GOLPH3L: variants seen among roughly 807,000 people sequenced by gnomAD.
GOLPH3L encodes golgi phosphoprotein 3 like.
A neutral mutation model predicts 30.3 loss-of-function variants in GOLPH3L; 22 were observed. The ratio of observed to expected loss-of-function variants is 0.73; its 90% CI spans 0.52 to 1.04. The LOEUF (loss-of-function observed/expected upper bound fraction) is 1.04. Ranked by LOEUF, GOLPH3L falls within the 50% of genes least tolerant of loss-of-function variation. The pLI is 0.00. For synonymous variants in GOLPH3L, 120 were observed against 128.2 expected, an observed-to-expected ratio of 0.94 and a Z score of 0.43; for missense variants, 303 against 345.8, an observed-to-expected ratio of 0.88 and a Z score of 0.98.
At chr1:150,650,894 G>A (rs2101774493) in intron 4 of GOLPH3L, among the ~76,000 whole-genome samples, 1 of 152,342 alleles carries the variant, frequency 6.6e-6, no homozygotes, top group East Asian at 1.9e-4. Flanking sequence ...AATGGAAACT[G>A]CCTTTGAGAA....
intron 2 of GOLPH3L, among the ~76,000 whole-genome samples, chr1:150,687,221 A>C (rs1172419625): frequency 6.6e-6 from 1 of 152,096 alleles, no homozygotes; most frequent in Non-Finnish European, 1.5e-5. Flanking sequence ...TAAGGCGGCC[A>C]ATTTTCTTCA....
intron 4 of GOLPH3L, among the ~76,000 whole-genome samples, chr1:150,653,455 C>CTTTTTTTT (rs71086589): frequency 1.6e-5 from 1 of 62,638 alleles, no homozygotes; most frequent in African/African-American, 5.7e-5. Context: ...TTGAAAGCAA[C>CTTTTTTTT]TTTTTTTTTT....
chr1:150,663,408 G>A (rs1650419904), intron 3 of GOLPH3L, among the ~76,000 whole-genome samples: 1 of 152,012 alleles, frequency 6.6e-6, no homozygotes, highest in South Asian at 2.1e-4. Context: ...TGATTTTTCT[G>A]CATAAAAAAG....
chr1:150,695,186 G>A (rs587710143), intron 1 of GOLPH3L, among the ~76,000 whole-genome samples: 37 of 152,182 alleles, frequency 2.4e-4, no homozygotes, highest in African/African-American at 8.7e-4. Flanking sequence ...CCCAGGCTGG[G>A]AGTGCAGTGG....
At chr1:150,674,085 T>C (rs1417785874) in intron 2 of GOLPH3L, among the ~76,000 whole-genome samples, 1 of 152,080 alleles carries the variant, frequency 6.6e-6, no homozygotes, top group Non-Finnish European at 1.5e-5. Flanking sequence ...ATTTTAGAAA[T>C]TAAAATCCAT....
intron 4 of GOLPH3L, among the ~76,000 whole-genome samples, chr1:150,653,379 G>A (rs587598389): frequency 2.7e-5 from 4 of 146,630 alleles, no homozygotes; most frequent in South Asian, 4.3e-4. Context: ...CACTGCAACC[G>A]CTGCCTGCCG....
At chr1:150,666,805 A>G (rs923550109) in intron 2 of GOLPH3L, among the ~76,000 whole-genome samples, 1 of 152,098 alleles carries the variant, frequency 6.6e-6, no homozygotes, top group Non-Finnish European at 1.5e-5. Context: ...TATTTCTTTA[A>G]AAATGTCATA....
chr1:150,675,187 A>T (rs766576645), intron 2 of GOLPH3L, among the ~76,000 whole-genome samples: 3 of 152,076 alleles, frequency 2.0e-5, no homozygotes, highest in Non-Finnish European at 2.9e-5. Context: ...GCTTCCAATG[A>T]TTTAAAACGG....
chr1:150,653,085 G>C (rs1331435387), intron 4 of GOLPH3L, among the ~76,000 whole-genome samples: 1 of 147,018 alleles, frequency 6.8e-6, no homozygotes, highest in Non-Finnish European at 1.5e-5. Flanking sequence ...AGCAGTTTAA[G>C]ACCAGTCTGG....
intron 2 of GOLPH3L, among the ~76,000 whole-genome samples, chr1:150,671,806 CAAAAAAAA>C (rs397793655): frequency 2.1e-5 from 1 of 47,154 alleles, no homozygotes; most frequent in South Asian, 9.8e-4. Context: ...AACTCCGTCT[CAAAAAAAA>C]AAAAAAAAAA....
At chr1:150,658,965 T>A (rs955260861) in intron 4 of GOLPH3L, among the ~76,000 whole-genome samples, 1 of 152,202 alleles carries the variant, frequency 6.6e-6, no homozygotes, top group African/African-American at 2.4e-5. Flanking sequence ...GAACAAATAT[T>A]TAAAGCATCC....
At chr1:150,675,511 C>T (rs11204693) in intron 2 of GOLPH3L, among the ~76,000 whole-genome samples, 59,417 of 151,670 alleles carry the variant, frequency 0.39, 13,314 homozygotes, top group Non-Finnish European at 0.5. Context: ...CCCTTCATAG[C>T]AAAGGTTTGT....
intron 4 of GOLPH3L, among the ~76,000 whole-genome samples, chr1:150,651,751 C>T (rs1650110450): frequency 6.8e-6 from 1 of 147,656 alleles, no homozygotes; most frequent in Admixed American, 6.8e-5. Flanking sequence ...ACTTAGAGAT[C>T]AAAGAAATTA....
chr1:150,660,387 G>T (rs184001168), intron 4 of GOLPH3L, among the ~76,000 whole-genome samples: 11 of 152,214 alleles, frequency 7.2e-5, no homozygotes, highest in African/African-American at 2.6e-4. Context: ...TTCTCAAAAG[G>T]TTAAACATAA....
intron 2 of GOLPH3L, among the ~76,000 whole-genome samples, chr1:150,683,834 C>T (rs1462357335): frequency 6.7e-6 from 1 of 150,022 alleles, no homozygotes; most frequent in Admixed American, 6.7e-5. Context: ...GTCCTTCAGG[C>T]GGATGTACAT....
At chr1:150,665,523 A>G (rs966510003) in intron 2 of GOLPH3L, among the ~76,000 whole-genome samples, 1 of 151,826 alleles carries the variant, frequency 6.6e-6, no homozygotes, top group Non-Finnish European at 1.5e-5. Flanking sequence ...TTTTAATTCA[A>G]TTTTCCTCTT....
At chr1:150,658,769 A>C (rs1268690866) in intron 4 of GOLPH3L, among the ~76,000 whole-genome samples, 1 of 152,174 alleles carries the variant, frequency 6.6e-6, no homozygotes, top group Non-Finnish European at 1.5e-5. Context: ...AAGAGTTCCT[A>C]TTATCTGGAA....
intron 2 of GOLPH3L, chr1:150,694,412 T>A (rs1651297286): frequency 5.1e-6 from 2 of 388,484 alleles, no homozygotes; most frequent in Non-Finnish European, 9.2e-6. Context: ...TTATACTATA[T>A]CCTCCTCTCC....
intron 2 of GOLPH3L, among the ~76,000 whole-genome samples, chr1:150,692,512 A>C (rs1224419311): frequency 6.6e-6 from 1 of 152,176 alleles, no homozygotes; most frequent in Non-Finnish European, 1.5e-5. Flanking sequence ...CAGCCTCCTG[A>C]GTAGCTAGGA....
Sources: allele counts gnomAD v4.1 joint callset (sites outside exome capture counted in the v4.1 genomes callset), GRCh38; gene constraint gnomAD v4.1.1; transcripts MANE v1.5; gene names NCBI Gene and HGNC (gene_info 2026-07-23, HGNC 2026-07-21).